Variants in GRIK2 observed in about 807,000 individuals in gnomAD.
The protein encoded by GRIK2 is glutamate ionotropic receptor kainate type subunit 2.
A neutral mutation model predicts 100.3 loss-of-function variants in GRIK2; 32 were observed. The observed-to-expected ratio is 0.32, with a 90% CI of 0.24 to 0.43. GRIK2 has a LOEUF of 0.43. Among genes scored for constraint, GRIK2 ranks in the 20% least tolerant of loss-of-function variants. The probability of loss-of-function intolerance (pLI) is 1.00; values close to 1 mark genes in which losing one functional copy is unlikely to be tolerated. For missense variants in GRIK2, 843 were observed against 1,114.9 expected (o/e 0.76, Z 3.47); for synonymous variants, 417 against 389.4 (o/e 1.07, Z -0.83).
intron 2 of GRIK2, among the ~76,000 whole-genome samples, chr6:101,425,759 A>G (rs1191609283): frequency 1.3e-5 from 2 of 152,060 alleles, no homozygotes; most frequent in African/African-American, 2.4e-5. Flanking sequence ...TTTCTCTGAG[A>G]ATTGTCAACT....
intron 2 of GRIK2, among the ~76,000 whole-genome samples, chr6:101,609,743 A>G (rs994783235): frequency 9.2e-5 from 14 of 151,848 alleles, no homozygotes; most frequent in African/African-American, 3.4e-4. Context: ...TAAGTCAAAG[A>G]AGAGTAAGCC....
chr6:101,899,130 G>A (rs1349100498), intron 12 of GRIK2, among the ~76,000 whole-genome samples: 1 of 147,012 alleles, frequency 6.8e-6, no homozygotes, highest in Non-Finnish European at 1.5e-5. Flanking sequence ...AAAAAATATC[G>A]TGGCTGTCCT....
At chr6:101,733,766 T>A (rs963070417) in intron 7 of GRIK2, among the ~76,000 whole-genome samples, 1 of 148,702 alleles carries the variant, frequency 6.7e-6, no homozygotes, top group African/African-American at 2.5e-5. Flanking sequence ...AGGAATCAAA[T>A]TAGCTGCTTC....
intron 4 of GRIK2, among the ~76,000 whole-genome samples, chr6:101,658,594 G>GT (rs142298719): frequency 0.64 from 97,063 of 151,886 alleles, 32,611 homozygotes; most frequent in Non-Finnish European, 0.76. Flanking sequence ...GGATCAAATG[G>GT]TATTTCTGTT....
chr6:101,397,542 T>TA (rs561362429), intron 1 of GRIK2, among the ~76,000 whole-genome samples: 32 of 152,204 alleles, frequency 2.1e-4, no homozygotes, highest in African/African-American at 6.0e-4. Context: ...GCCTCCATCT[T>TA]AAAAAAAATC....
intron 7 of GRIK2, among the ~76,000 whole-genome samples, chr6:101,722,419 A>G (rs1774549335): frequency 6.6e-6 from 1 of 152,048 alleles, no homozygotes. Context: ...ATACCTGTGC[A>G]TTTGAATCTA....
At chr6:101,398,597 A>C (rs1487073310) in intron 1 of GRIK2, among the ~76,000 whole-genome samples, 3 of 152,220 alleles carry the variant, frequency 2.0e-5, no homozygotes, top group African/African-American at 7.2e-5. Context: ...CTAGTAATTT[A>C]ATGAAATTCA....
At chr6:101,642,465 A>C (rs1355073226) in intron 4 of GRIK2, among the ~76,000 whole-genome samples, 2 of 151,712 alleles carry the variant, frequency 1.3e-5, no homozygotes, top group Non-Finnish European at 3.0e-5. Context: ...TACTCTAGAT[A>C]CTCATAGAAA....
At chr6:101,528,838 C>T (rs1341199549) in intron 2 of GRIK2, among the ~76,000 whole-genome samples, 3 of 152,064 alleles carry the variant, frequency 2.0e-5, no homozygotes, top group Non-Finnish European at 2.9e-5. Flanking sequence ...ATATGCAGTA[C>T]ATGATGATAC....
At chr6:101,916,873 T>G (rs1789146136) in intron 12 of GRIK2, among the ~76,000 whole-genome samples, 1 of 151,688 alleles carries the variant, frequency 6.6e-6, no homozygotes, top group South Asian at 2.1e-4. Flanking sequence ...CTGTAATGCC[T>G]CACCTTATTC....
At chr6:101,576,391 A>G (rs1264774853) in intron 2 of GRIK2, among the ~76,000 whole-genome samples, 1 of 152,054 alleles carries the variant, frequency 6.6e-6, no homozygotes, top group Non-Finnish European at 1.5e-5. Flanking sequence ...TTATGAGGTG[A>G]TAATTGTTAA....
At chr6:101,772,987 A>T (rs1778500062) in intron 7 of GRIK2, among the ~76,000 whole-genome samples, 1 of 152,106 alleles carries the variant, frequency 6.6e-6, no homozygotes, top group South Asian at 2.1e-4. Context: ...TAATAACATA[A>T]GTGTTGTTGA....
At chr6:101,864,072 G>T (rs1354300996) in intron 11 of GRIK2, among the ~76,000 whole-genome samples, 2 of 150,458 alleles carry the variant, frequency 1.3e-5, no homozygotes, top group Non-Finnish European at 3.0e-5. Context: ...GGGAAGCGGA[G>T]CTTGCAGTGA....
At chr6:101,744,484 A>G (rs1776254133) in intron 7 of GRIK2, 1 of 134,070 alleles carries the variant, frequency 7.5e-6, no homozygotes, top group Non-Finnish European at 1.6e-5. Context: ...GCTGAGTAGT[A>G]TTCCATGGTG....
intron 2 of GRIK2, among the ~76,000 whole-genome samples, chr6:101,561,359 G>A (rs890373100): frequency 6.6e-5 from 10 of 151,590 alleles, no homozygotes; most frequent in Non-Finnish European, 1.3e-4. Context: ...ATGTAATAGT[G>A]GTTACCAAAG....
intron 2 of GRIK2, among the ~76,000 whole-genome samples, chr6:101,469,977 A>AT (rs536030787): frequency 6.0e-4 from 91 of 152,088 alleles, no homozygotes; most frequent in African/African-American, 2.1e-3. Context: ...TTGGTCAATG[A>AT]TTTTTTGGCT....
chr6:101,655,741 G>A (rs765576057), intron 4 of GRIK2, among the ~76,000 whole-genome samples: 2 of 152,154 alleles, frequency 1.3e-5, no homozygotes, highest in Non-Finnish European at 2.9e-5. Flanking sequence ...ATAACATAAT[G>A]TTGATAGGGA....
chr6:101,603,936 T>G lies in GRIK2; in HGVS notation c.116-18013T>G, dbSNP rs192046991. Among the ~76,000 whole-genome samples the G allele has an allele frequency of 6.2e-3, 935 of 151,802 alleles. 7 individuals are homozygous for G. The highest frequency in any genetic ancestry group is 0.02 in the African/African-American group (842 of 41,496). ...TGCATTTTTTTTTAAGGTTTACAAC[T>G]GCAGTTTCTATTCAGAGTAGATTTT... On this transcript the variant is annotated intron_variant, in intron 2 of 16. Coordinates refer to ENST00000369134, the MANE Select transcript of GRIK2 (RefSeq NM_021956.5).
intron 2 of GRIK2, among the ~76,000 whole-genome samples, chr6:101,548,291 G>A (rs1428099643): frequency 6.6e-6 from 1 of 152,152 alleles, no homozygotes; most frequent in Non-Finnish European, 1.5e-5. Context: ...TCTGATGGTA[G>A]TTTCTTTTGC....
Sources: gnomAD v4.1 joint callset for allele counts (sites outside exome capture counted in the v4.1 genomes callset) on GRCh38, gnomAD v4.1.1 for gene constraint, MANE v1.5 for transcripts, NCBI Gene and HGNC (gene_info 2026-07-23, HGNC 2026-07-21) for gene names.